Variants in LRP1B observed in about 807,000 individuals in gnomAD.
LRP1B encodes the protein low-density lipoprotein receptor-related protein 1B.
A neutral mutation model predicts 556.6 loss-of-function variants in LRP1B; 217 were observed. That is an observed-to-expected ratio of 0.39 (90% CI 0.35 to 0.44). The LOEUF is 0.44. Ranked by LOEUF, LRP1B falls within the 20% of genes least tolerant of loss-of-function variation. The pLI is 1.00. For synonymous variants in LRP1B, 2,047 were observed against 1,865.8 expected (o/e 1.10, Z -2.50); for missense variants, 5,053 against 5,620.8 (o/e 0.90, Z 3.23).
intron 2 of LRP1B, among the ~76,000 whole-genome samples, chr2:141,715,942 TG>T (rs1692568518): frequency 6.6e-6 from 1 of 152,220 alleles, no homozygotes; most frequent in South Asian, 2.1e-4. Context: ...TTTACCTTTT[TG>T]TATGGGAATA....
intron 66 of LRP1B, among the ~76,000 whole-genome samples, chr2:140,424,665 G>C (rs77239601): frequency 0.15 from 23,079 of 152,112 alleles, 2,335 homozygotes; most frequent in East Asian, 0.46. Context: ...TATTGAAGAA[G>C]ACAATGTTTT....
At chr2:141,099,013 G>T (rs1234149866) in intron 7 of LRP1B, among the ~76,000 whole-genome samples, 1 of 152,086 alleles carries the variant, frequency 6.6e-6, no homozygotes. Context: ...AAAGGCCACA[G>T]AAAAAATTAA....
intron 2 of LRP1B, among the ~76,000 whole-genome samples, chr2:141,728,099 G>A (rs1033676481): frequency 3.9e-5 from 6 of 152,066 alleles, no homozygotes; most frequent in African/African-American, 1.4e-4. Context: ...AGCTACTGAG[G>A]GTGAAATGTT....
chr2:141,118,930 C>T (rs751636626), intron 7 of LRP1B, among the ~76,000 whole-genome samples: 6 of 151,782 alleles, frequency 4.0e-5, no homozygotes, highest in Non-Finnish European at 8.8e-5. Context: ...TTCAAGAATT[C>T]TGGAATTCTA....
At chr2:141,015,999 C>T (rs940273976) in intron 12 of LRP1B, 84 bp from the exon 13 acceptor site, 15 of 1,005,246 alleles carry the variant, frequency 1.5e-5, no homozygotes, top group East Asian at 2.4e-5. Context: ...TTTGGCAGTT[C>T]CATAAATTCT....
chr2:140,772,311 G>GAA (rs1559110006), intron 33 of LRP1B, among the ~76,000 whole-genome samples: 3 of 150,258 alleles, frequency 2.0e-5, no homozygotes, highest in African/African-American at 7.3e-5. Flanking sequence ...TTGTATGTAT[G>GAA]TATATATATA....
chr2:140,601,577 A>G lies in LRP1B; in HGVS notation c.6862T>C (p.Ser2288Pro), dbSNP rs1478579844. 3 of 1,613,012 alleles carry G rather than the reference A, an allele frequency of 1.9e-6. No homozygotes were observed. The highest frequency in any genetic ancestry group is 2.5e-6 in the Non-Finnish European group (3 of 1,179,436). ...TGTCTGGTGATGGATGAGGTGGTAGAGCTTGTCCAGTACAGTGTATCCCAG... is the reference window on the plus strand; with the variant it reads ...TGTCTGGTGATGGATGAGGTGGTAGGGCTTGTCCAGTACAGTGTATCCCAG... ...RAWDTLYWTS[S>P]TTSSITRHTV... The change falls in exon 42 of 91, where the codon TCT (serine) becomes CCT (proline). Residue 2288 changes from serine to proline, a missense_variant. Physicochemically the swap from Ser to Pro is moderately conservative, Grantham distance 74. Coordinates refer to ENST00000389484, the MANE Select transcript of LRP1B (RefSeq NM_018557.3).
At chr2:141,065,999 A>AT (rs1699472084) in intron 7 of LRP1B, among the ~76,000 whole-genome samples, 1 of 151,874 alleles carries the variant, frequency 6.6e-6, no homozygotes, top group South Asian at 2.1e-4. Context: ...GTTATCAACT[A>AT]TTTTTTGTTA....
intron 2 of LRP1B, among the ~76,000 whole-genome samples, chr2:141,739,868 T>C (rs938083371): frequency 1.3e-5 from 2 of 152,110 alleles, no homozygotes; most frequent in Non-Finnish European, 2.9e-5. Context: ...CCTCAAAGCA[T>C]AGTTCAAGAC....
intron 3 of LRP1B, among the ~76,000 whole-genome samples, chr2:141,291,574 A>G (rs184221342): frequency 1.8e-3 from 270 of 152,142 alleles, no homozygotes; most frequent in African/African-American, 6.1e-3. Flanking sequence ...ACTTGTTTGG[A>G]GGCCGGGCGC....
At chr2:141,905,774 T>C (rs986716951) in intron 1 of LRP1B, among the ~76,000 whole-genome samples, 13 of 147,166 alleles carry the variant, frequency 8.8e-5, no homozygotes, top group South Asian at 4.3e-4. Context: ...GATGTGTGTG[T>C]GTGTGTGTGT....
At chr2:141,978,225 T>C (rs1701939500) in intron 1 of LRP1B, among the ~76,000 whole-genome samples, 1 of 152,078 alleles carries the variant, frequency 6.6e-6, no homozygotes, top group Admixed American at 6.6e-5. Context: ...ACAACGTCTA[T>C]GCTTAATTGG....
At chr2:141,804,382 C>T (rs1195822932) in intron 2 of LRP1B, among the ~76,000 whole-genome samples, 1 of 152,030 alleles carries the variant, frequency 6.6e-6, no homozygotes, top group Admixed American at 6.6e-5. Context: ...ATTTTTAATA[C>T]ATGTATTTCA....
At chr2:141,237,824 A>G (rs1391956741) in intron 5 of LRP1B, among the ~76,000 whole-genome samples, 2 of 152,052 alleles carry the variant, frequency 1.3e-5, no homozygotes, top group South Asian at 2.1e-4. Flanking sequence ...TTTTGCAGAG[A>G]GCTGGTCCAA....
At chr2:140,418,707 G>A (rs1303611911) in intron 66 of LRP1B, among the ~76,000 whole-genome samples, 3 of 151,812 alleles carry the variant, frequency 2.0e-5, no homozygotes, top group Non-Finnish European at 4.4e-5. Flanking sequence ...AGTAAAACAA[G>A]CTCAGGGCTC....
intron 52 of LRP1B, among the ~76,000 whole-genome samples, chr2:140,509,062 GCA>G (rs754019204): frequency 1.3e-4 from 13 of 103,650 alleles, no homozygotes; most frequent in African/African-American, 4.1e-4. Context: ...ACATACCCCT[GCA>G]CACACACACA....
At chr2:140,749,961 C>T (rs978783377) in intron 35 of LRP1B, among the ~76,000 whole-genome samples, 1 of 152,088 alleles carries the variant, frequency 6.6e-6, no homozygotes, top group African/African-American at 2.4e-5. Flanking sequence ...TAAGACACCA[C>T]TGGGCAATAG....
chr2:141,056,963 C>T (rs558530744), intron 9 of LRP1B, among the ~76,000 whole-genome samples: 3 of 152,016 alleles, frequency 2.0e-5, no homozygotes, highest in Non-Finnish European at 4.4e-5. Flanking sequence ...ATTCCAACTC[C>T]TCTAGCTAGA....
intron 1 of LRP1B, among the ~76,000 whole-genome samples, chr2:142,034,374 A>G (rs1703805133): frequency 1.3e-5 from 2 of 151,828 alleles, no homozygotes; most frequent in Non-Finnish European, 2.9e-5. Flanking sequence ...TATTCTAGCT[A>G]TAGTTGTGTA....
Sources: allele counts gnomAD v4.1 joint callset (sites outside exome capture counted in the v4.1 genomes callset), GRCh38; gene constraint gnomAD v4.1.1; transcripts MANE v1.5; gene names NCBI Gene and HGNC (gene_info 2026-07-23, HGNC 2026-07-21).